SYN3: variants seen among roughly 807,000 people sequenced by gnomAD.
The protein encoded by SYN3 is synapsin-3.
SYN3 carries 35 observed loss-of-function variants against 65.8 expected under a neutral mutation model. The observed-to-expected ratio is 0.53, with a 90% CI of 0.41 to 0.70. The LOEUF is 0.70. Among genes scored for constraint, SYN3 ranks in the 30% least tolerant of loss-of-function variants. The pLI is 0.00. For missense variants in SYN3, 680 were observed against 749.0 expected, an observed-to-expected ratio of 0.91 and a Z score of 1.08; for synonymous variants, 270 against 292.9, an observed-to-expected ratio of 0.92 and a Z score of 0.80.
At chr22:33,012,764 C>G (rs5998692) in intron 1 of SYN3, among the ~76,000 whole-genome samples, 77 of 152,310 alleles carry the variant, frequency 5.1e-4, no homozygotes, top group African/African-American at 1.7e-3. Flanking sequence ...TATACTCTGC[C>G]CCCTGATTTG....
intron 6 of SYN3, among the ~76,000 whole-genome samples, chr22:32,816,050 G>A (rs1421334032): frequency 6.6e-6 from 1 of 152,154 alleles, no homozygotes; most frequent in Admixed American, 6.5e-5. Context: ...AAGCAGGCTC[G>A]TCTCCTCTGG....
chr22:32,642,902 G>A (rs2059923652), intron 6 of SYN3, among the ~76,000 whole-genome samples: 1 of 152,048 alleles, frequency 6.6e-6, no homozygotes. Flanking sequence ...AAAAGGTGAG[G>A]ATGCATCTCA....
Position 32,980,721 on chromosome 22 carries a change from C to A in SYN3, c.312-19G>T. On this transcript the variant is annotated intron_variant, in intron 2 of 13. Transcript: ENST00000358763. ...CTTCGACCTGTAAAGGGGAAGAAAT[C>A]AGCTGAGTAAGGATGCAGGCTGTTT... The A allele has an allele frequency of 6.2e-7, 1 of 1,612,768 alleles. No homozygotes were observed.
intron 1 of SYN3, among the ~76,000 whole-genome samples, chr22:33,029,810 G>C (rs958777276): frequency 2.0e-5 from 3 of 152,000 alleles, no homozygotes; most frequent in African/African-American, 7.3e-5. Flanking sequence ...TTACATCATC[G>C]AGCCTTGGGT....
intron 6 of SYN3, among the ~76,000 whole-genome samples, chr22:32,650,059 T>G (rs1364067283): frequency 6.6e-6 from 1 of 152,074 alleles, no homozygotes; most frequent in Non-Finnish European, 1.5e-5. Context: ...GCTATAGAAC[T>G]CTTCCCCCAA....
chr22:32,976,380 G>A (rs949035718), intron 3 of SYN3, among the ~76,000 whole-genome samples: 3 of 152,136 alleles, frequency 2.0e-5, no homozygotes, highest in Non-Finnish European at 4.4e-5. Flanking sequence ...CTGTCAACAC[G>A]GAGGAAAGAC....
chr22:32,935,541 C>G (rs2050751904), intron 3 of SYN3, among the ~76,000 whole-genome samples: 1 of 151,534 alleles, frequency 6.6e-6, no homozygotes, highest in African/African-American at 2.4e-5. Context: ...ACCTCCACCT[C>G]CCAGGTTCAA....
chr22:32,865,961 A>G (rs183339735), intron 5 of SYN3, among the ~76,000 whole-genome samples: 11 of 152,296 alleles, frequency 7.2e-5, no homozygotes, highest in Middle Eastern at 3.4e-3. Flanking sequence ...AGACTAATGT[A>G]TGCTGGAGAC....
chr22:32,646,345 C>T (rs1003948631), intron 6 of SYN3, among the ~76,000 whole-genome samples: 2 of 152,038 alleles, frequency 1.3e-5, no homozygotes, highest in African/African-American at 4.8e-5. Flanking sequence ...GGGAGGGAAC[C>T]CCAAACTGAC....
chr22:32,922,995 G>A (rs2050373956), intron 4 of SYN3, among the ~76,000 whole-genome samples: 1 of 152,204 alleles, frequency 6.6e-6, no homozygotes, highest in African/African-American at 2.4e-5. Context: ...TCAAAGAGGA[G>A]ATTTATTATG....
intron 6 of SYN3, among the ~76,000 whole-genome samples, chr22:32,711,106 T>C (rs1289632473): frequency 6.6e-6 from 1 of 152,120 alleles, no homozygotes. Flanking sequence ...AGGTGGGTCT[T>C]TGGACATGGG....
intron 6 of SYN3, among the ~76,000 whole-genome samples, chr22:32,620,805 C>T (rs565117399): frequency 7.2e-5 from 11 of 152,096 alleles, no homozygotes; most frequent in Admixed American, 3.9e-4. Flanking sequence ...CTGCAACCTC[C>T]GCCTCCCGGG....
chr22:32,587,833 A>AT (rs1245912466), intron 7 of SYN3, among the ~76,000 whole-genome samples: 1 of 152,004 alleles, frequency 6.6e-6, no homozygotes, highest in Non-Finnish European at 1.5e-5. Context: ...ACCTGTCATC[A>AT]TTACTCTAGG....
At chr22:32,780,908 CCTTG>C (rs2046026434) in intron 6 of SYN3, among the ~76,000 whole-genome samples, 2 of 133,596 alleles carry the variant, frequency 1.5e-5, no homozygotes, top group African/African-American at 2.8e-5. Flanking sequence ...TGCCTGCCTT[CCTTG>C]CTTCCTTCCT....
chr22:32,869,637 C>T (rs2048794085), intron 4 of SYN3, among the ~76,000 whole-genome samples: 1 of 151,298 alleles, frequency 6.6e-6, no homozygotes. Flanking sequence ...TCTGTGTAGC[C>T]TCATGGCTCC....
chr22:32,630,081 T>C (rs2059726323), intron 6 of SYN3, among the ~76,000 whole-genome samples: 1 of 151,836 alleles, frequency 6.6e-6, no homozygotes, highest in Non-Finnish European at 1.5e-5. Flanking sequence ...CCTCCTGGGT[T>C]CAAGCAATTC....
chr22:33,016,232 A>G (rs1157145166), intron 1 of SYN3, among the ~76,000 whole-genome samples: 3 of 152,240 alleles, frequency 2.0e-5, no homozygotes, highest in Non-Finnish European at 2.9e-5. Context: ...TTAACAGCAC[A>G]TATTCAAGGT....
chr22:32,727,062 T>A (rs2061205138), intron 6 of SYN3, among the ~76,000 whole-genome samples: 2 of 152,092 alleles, frequency 1.3e-5, no homozygotes, highest in South Asian at 4.1e-4. Context: ...CATGGTGGTT[T>A]GCTGCATGGA....
chr22:32,785,990 C>T lies in SYN3; in HGVS notation c.711+78925G>A, dbSNP rs531706917. Among the ~76,000 whole-genome samples, 37 of 125,344 alleles carry T rather than the reference C, an allele frequency of 3.0e-4. No homozygotes were observed. In the Admixed American group the frequency reaches 3.2e-3, roughly 11 times the overall value. The allele number at this position is 125,344 out of a possible 152,430, so 82.2% of individuals were successfully genotyped here. A position where few individuals can be genotyped will look rare whatever the true frequency, so the allele number is the denominator to read the frequency against. ...GGAGAAATCCAAGGAATTCAAACCA[C>T]TTCAAAGAAGAAGAAGAAGAAGAAG... On this transcript the variant is annotated intron_variant, in intron 6 of 13. Coordinates refer to ENST00000358763, the MANE Select transcript of SYN3 (RefSeq NM_003490.4).
Sources: gnomAD v4.1 joint callset for allele counts (sites outside exome capture counted in the v4.1 genomes callset) on GRCh38, gnomAD v4.1.1 for gene constraint, MANE v1.5 for transcripts, NCBI Gene and HGNC (gene_info 2026-07-23, HGNC 2026-07-21) for gene names.